GRPEL2: variants seen among roughly 807,000 people sequenced by gnomAD.
GRPEL2 encodes the protein grpE protein homolog 2, mitochondrial.
Under a neutral mutation model 25.9 loss-of-function variants are expected in GRPEL2, and 18 were observed. The ratio of observed to expected loss-of-function variants is 0.70; its 90% CI spans 0.48 to 1.03. GRPEL2 has a LOEUF of 1.03. Ranked by LOEUF, GRPEL2 falls within the 50% of genes least tolerant of loss-of-function variation. The probability of loss-of-function intolerance (pLI) is 0.00; values close to 1 mark genes in which losing one functional copy is unlikely to be tolerated. For synonymous variants in GRPEL2, 106 were observed against 107.9 expected, an observed-to-expected ratio of 0.98 and a Z score of 0.11; for missense variants, 247 against 276.2, an observed-to-expected ratio of 0.89 and a Z score of 0.75.
intron 2 of GRPEL2, 137 bp downstream of exon 2, chr5:149,348,562 C>T: frequency 1.5e-6 from 1 of 667,066 alleles, no homozygotes; most frequent in Non-Finnish European, 2.5e-6. Flanking sequence ...TCCTCCACTC[C>T]TTGCTAGGTA....
intron 1 of GRPEL2, 179 bp from the exon 2 acceptor site, chr5:149,348,093 A>C: frequency 3.7e-6 from 2 of 536,090 alleles, no homozygotes; most frequent in Non-Finnish European, 6.6e-6. Flanking sequence ...GGAAAAGATG[A>C]CTCAAGTAAA....
Position 149,346,228 on chromosome 5 carries a change from G to A in GRPEL2, c.77+612G>A, listed in dbSNP as rs139843052. ...AAACTTAAATATTTGGGAAGTGGTG[G>A]AACCCGGGCTGGAAACCAGTCAGGG... On this transcript the variant is annotated intron_variant, in intron 1 of 3. Coordinates refer to ENST00000329271, the MANE Select transcript of GRPEL2 (RefSeq NM_152407.4). 4.4e-3 allele frequency among the ~76,000 whole-genome samples: 676 copies of A among 152,350 alleles called. 3 individuals are homozygous for A. Among genetic ancestry groups the A allele is most frequent in the Non-Finnish European group, 7.6e-3 (518 of 68,032 alleles).
chr5:149,352,162 G>C lies in GRPEL2; in HGVS notation c.*880G>C, dbSNP rs1757786271. Reference sequence around the variant, plus strand: ...CTTATAATCCTTTATTAAATGATGGGAGGTGGTGATCAGGACAAAAGTGTT... The same window carrying C: ...CTTATAATCCTTTATTAAATGATGGCAGGTGGTGATCAGGACAAAAGTGTT... On this transcript the variant is annotated 3_prime_UTR_variant, in exon 4 of 4. Transcript: ENST00000329271. The C allele has an allele frequency of 6.6e-6, 1 of 152,156 alleles. No homozygotes were observed. The highest frequency in any genetic ancestry group is 2.1e-4 in the South Asian group (1 of 4,826). 9.4% of individuals were successfully genotyped at this position (152,156 alleles called of 1,614,324 possible). A position where few individuals can be genotyped will look rare whatever the true frequency, so the allele number is the denominator to read the frequency against.
Position 149,351,318 on chromosome 5 carries a change from C to A in GRPEL2, c.*36C>A. The A allele has an allele frequency of 6.4e-7, 1 of 1,568,618 alleles. No individual in the cohort carries two copies. The highest frequency in any genetic ancestry group is 1.2e-5 in the South Asian group (1 of 85,730). On this transcript the variant is annotated 3_prime_UTR_variant, in exon 4 of 4. Transcript: ENST00000329271. Reference sequence around the variant, plus strand: ...AGGAACTGGATGTTCTCCCAGAGCGCAGTCACCTATGTTTCTTTTATTTAT... The same window carrying A: ...AGGAACTGGATGTTCTCCCAGAGCGAAGTCACCTATGTTTCTTTTATTTAT...
At chr5:149,347,379 G>T (rs1757706394) in intron 1 of GRPEL2, among the ~76,000 whole-genome samples, 1 of 152,150 alleles carries the variant, frequency 6.6e-6, no homozygotes, top group Non-Finnish European at 1.5e-5. Context: ...TTGTTTTAAA[G>T]AACTCATGTA....
At chr5:149,347,007 G>A (rs1757701970) in intron 1 of GRPEL2, among the ~76,000 whole-genome samples, 1 of 152,080 alleles carries the variant, frequency 6.6e-6, no homozygotes, top group Non-Finnish European at 1.5e-5. Context: ...TTACAGGCGT[G>A]AGCCACCGCG....
At chr5:149,349,978 A>AG in intron 3 of GRPEL2, 2 of 542,200 alleles carry the variant, frequency 3.7e-6, no homozygotes, top group Non-Finnish European at 6.5e-6. Flanking sequence ...CAGGAGGCAG[A>AG]GGTTGCAGTA....
Position 149,351,009 on chromosome 5 carries a change from C to T in GRPEL2, c.405C>T (p.Asp135=). 1 of 1,614,202 alleles carries T rather than the reference C, an allele frequency of 6.2e-7. No individual in the cohort carries two copies. Among genetic ancestry groups the T allele is most frequent in the Non-Finnish European group, 8.5e-7 (1 of 1,180,036 alleles). The change falls in exon 4 of 4, where the codon GAC becomes GAT. Residue 135 remains aspartate (D), a synonymous_variant. Transcript: ENST00000329271. The part of the protein sequence containing the change: ...ECISEESEPE[D]QKLTLEKVFR... ...TTTCTGAAGAATCGGAGCCTGAGGA[C>T]CAAAAGCTCACTCTGGAGAAGGTCT...
Position 149,351,175 on chromosome 5 carries a change from C to T in GRPEL2, c.571C>T (p.Gln191Ter). ...ICHVPAGVGV[Q>*]PGTVALVRQD... ...TCATGTGCCAGCTGGTGTTGGGGTG[C>T]AGCCTGGCACCGTGGCATTAGTAAG... The change falls in exon 4 of 4, where the codon CAG becomes TAG. Residue 191 changes from glutamine to a stop codon, truncating the protein, a stop_gained. Coordinates refer to ENST00000329271, the MANE Select transcript of GRPEL2 (RefSeq NM_152407.4). LOFTEE classifies it high-confidence loss of function. The T allele has an allele frequency of 6.2e-7, 1 of 1,614,122 alleles. No homozygotes were observed. The highest frequency in any genetic ancestry group is 8.5e-7 in the Non-Finnish European group (1 of 1,180,014).
At chr5:149,346,510 G>C (rs1757691270) in intron 1 of GRPEL2, among the ~76,000 whole-genome samples, 1 of 152,058 alleles carries the variant, frequency 6.6e-6, no homozygotes, top group African/African-American at 2.4e-5. Flanking sequence ...TCAGGGTTTC[G>C]GGACTTGGTT....
intron 1 of GRPEL2, 129 bp downstream of exon 1, chr5:149,345,745 T>G: frequency 1.4e-6 from 1 of 735,100 alleles, no homozygotes; most frequent in Admixed American, 2.7e-5. Flanking sequence ...TCTCGGCCTC[T>G]ACGACCGTGC....
At chr5:149,350,126 A>C (rs892356721) in intron 3 of GRPEL2, among the ~76,000 whole-genome samples, 1 of 152,198 alleles carries the variant, frequency 6.6e-6, no homozygotes, top group Non-Finnish European at 1.5e-5. Context: ...CTGTCCCTGG[A>C]TTAAAGTCAG....
intron 1 of GRPEL2, among the ~76,000 whole-genome samples, chr5:149,347,001 A>G (rs893032058): frequency 6.6e-6 from 1 of 152,132 alleles, no homozygotes; most frequent in African/African-American, 2.4e-5. Flanking sequence ...CTGGGATTAC[A>G]GGCGTGAGCC....
At position 149,348,410 on chromosome 5, in the gene GRPEL2, A is replaced by G; in HGVS notation, c.216A>G (p.Glu72=). 6.2e-7 allele frequency: 1 copy of G among 1,606,176 alleles called. No individual in the cohort carries two copies. Among genetic ancestry groups the G allele is most frequent in the Non-Finnish European group, 8.5e-7 (1 of 1,177,788 alleles). ...LRVKAVKLEK[E]VQDLTVRYQR... is the part of the protein sequence containing the mutation. ...TAAAAGCTGTTAAACTGGAGAAAGA[A>G]GTCCAAGATTTAACAGTGAGTCAAT... The change falls in exon 2 of 4, where the codon GAA becomes GAG. Residue 72 remains glutamate, a synonymous_variant. Transcript: ENST00000329271.
chr5:149,349,529 G>A, intron 2 of GRPEL2, 125 bp from the exon 3 acceptor site: 1 of 665,766 alleles, frequency 1.5e-6, no homozygotes, highest in East Asian at 2.8e-5. Context: ...TAAGATTTCT[G>A]TAACTCCTAG....
chr5:149,347,181 T>C (rs924494083), intron 1 of GRPEL2, among the ~76,000 whole-genome samples: 3 of 152,188 alleles, frequency 2.0e-5, no homozygotes, highest in African/African-American at 7.2e-5. Flanking sequence ...CGGATTATAA[T>C]AATTGAATTT....
Position 149,348,340 on chromosome 5 carries a change from C to T in GRPEL2, c.146C>T (p.Pro49Leu), listed in dbSNP as rs779136525. The change falls in exon 2 of 4, where the codon CCT (proline) becomes CTT (leucine). Residue 49 changes from proline to leucine, a missense_variant. Coordinates refer to ENST00000329271, the MANE Select transcript of GRPEL2 (RefSeq NM_152407.4). ...TAGEDCRSED[P>L]PDELGPPLAE... The stretch of plus-strand genomic sequence containing the variant: ...GGTGAGGACTGCCGTTCTGAGGACC[C>T]TCCTGATGAGCTTGGGCCCCCTCTT... The T allele has an allele frequency of 6.2e-7, 1 of 1,613,370 alleles. No homozygotes were observed. Among genetic ancestry groups the T allele is most frequent in the Non-Finnish European group, 8.5e-7 (1 of 1,179,852 alleles).
chr5:149,349,501 G>T (rs1228485581), intron 2 of GRPEL2, among the ~76,000 whole-genome samples, 153 bp from the exon 3 acceptor site: 2 of 152,228 alleles, frequency 1.3e-5, no homozygotes, highest in East Asian at 3.8e-4. Flanking sequence ...GTTGACTGGG[G>T]ATTTGGAGTA....
In GRPEL2 at chr5:149,353,656, G is replaced by T. The variant is rs998049380; in HGVS notation, c.*2374G>T. ...TCTCACTATATTGTCCAGGCTAGAAGAATTTTCTAATGGTCTATTACACCT... is the reference window on the plus strand; with the variant it reads ...TCTCACTATATTGTCCAGGCTAGAATAATTTTCTAATGGTCTATTACACCT... On this transcript the variant is annotated 3_prime_UTR_variant, in exon 4 of 4. Coordinates refer to ENST00000329271, the MANE Select transcript of GRPEL2 (RefSeq NM_152407.4). The T allele has an allele frequency of 1.3e-5, 2 of 151,854 alleles. No individual in the cohort carries two copies. Among genetic ancestry groups the T allele is most frequent in the South Asian group, 2.1e-4 (1 of 4,822 alleles). The allele number at this position is 151,854 out of a possible 1,614,324, so 9.4% of individuals were successfully genotyped here.
Sources: allele counts gnomAD v4.1 joint callset (sites outside exome capture counted in the v4.1 genomes callset), GRCh38; gene constraint gnomAD v4.1.1; transcripts MANE v1.5; gene names NCBI Gene and HGNC (gene_info 2026-07-23, HGNC 2026-07-21).